The following DLGAP2 variants were observed in gnomAD, a reference collection of about 807,000 sequenced individuals.
DLGAP2 encodes disks large-associated protein 2.
In DLGAP2, 26 loss-of-function variants were observed where a neutral mutation model predicts 100.3. The observed-to-expected ratio is 0.26, with a 90% CI of 0.19 to 0.36. The LOEUF (loss-of-function observed/expected upper bound fraction) is 0.36. Ranked by LOEUF, DLGAP2 falls within the 10% of genes least tolerant of loss-of-function variation. The pLI is 1.00. For missense variants in DLGAP2, 1,858 were observed against 1,453.2 expected (o/e 1.28, Z -4.53); for synonymous variants, 886 against 630.1 (o/e 1.41, Z -6.08).
intron 3 of DLGAP2, among the ~76,000 whole-genome samples, chr8:1,410,297 G>A (rs950627944): frequency 6.6e-6 from 1 of 152,190 alleles, no homozygotes; most frequent in African/African-American, 2.4e-5. Context: ...GACACGGAAG[G>A]TAACATTCAC....
chr8:1,694,308 A>G (rs1201786363), intron 13 of DLGAP2, among the ~76,000 whole-genome samples: 3 of 152,062 alleles, frequency 2.0e-5, no homozygotes, highest in African/African-American at 2.4e-5. Flanking sequence ...TCAAAGCCAA[A>G]TGGTCCGCAG....
intron 2 of DLGAP2, among the ~76,000 whole-genome samples, chr8:1,057,377 C>G (rs1043958123): frequency 6.6e-6 from 1 of 152,158 alleles, no homozygotes; most frequent in Non-Finnish European, 1.5e-5. Flanking sequence ...CATGTTAATC[C>G]AAACATTCAA....
intron 2 of DLGAP2, among the ~76,000 whole-genome samples, chr8:1,017,471 G>A (rs878946591): frequency 5.2e-4 from 37 of 70,944 alleles, no homozygotes; most frequent in African/African-American, 2.1e-3. Flanking sequence ...CACTGTGTGT[G>A]TGACCAGGAC....
At chr8:1,438,667 C>A (rs963833282) in intron 3 of DLGAP2, among the ~76,000 whole-genome samples, 1 of 152,182 alleles carries the variant, frequency 6.6e-6, no homozygotes, top group African/African-American at 2.4e-5. Context: ...GAGTTTTCTC[C>A]TCCAAGGGCA....
intron 3 of DLGAP2, among the ~76,000 whole-genome samples, chr8:1,265,163 G>A (rs577418683): frequency 2.7e-4 from 41 of 152,282 alleles, no homozygotes; most frequent in African/African-American, 9.9e-4. Flanking sequence ...AGCCCTAGAA[G>A]TAATAGACTT....
intron 2 of DLGAP2, among the ~76,000 whole-genome samples, chr8:1,072,565 G>A (rs1357546011): frequency 6.6e-6 from 1 of 152,136 alleles, no homozygotes; most frequent in East Asian, 1.9e-4. Flanking sequence ...AGGGAGGTGC[G>A]GCCTGGCTTG....
At chr8:1,048,463 G>A (rs980165359) in intron 2 of DLGAP2, among the ~76,000 whole-genome samples, 4 of 151,990 alleles carry the variant, frequency 2.6e-5, no homozygotes, top group South Asian at 2.1e-4. Context: ...TCGTCTGTGC[G>A]TCTGTGCTCA....
intron 6 of DLGAP2, among the ~76,000 whole-genome samples, chr8:1,582,078 CA>C: frequency 7.1e-6 from 1 of 141,574 alleles, no homozygotes; most frequent in Non-Finnish European, 1.5e-5. Flanking sequence ...AGGATACAGA[CA>C]AAACCCCGCA....
intron 3 of DLGAP2, among the ~76,000 whole-genome samples, chr8:1,365,085 A>G (rs1014897466): frequency 6.6e-6 from 1 of 152,138 alleles, no homozygotes; most frequent in Admixed American, 6.5e-5. Context: ...CCGCAAGGAC[A>G]CGTTTTTATA....
chr8:1,549,689 C>A lies in DLGAP2; in HGVS notation c.1230+6C>A. 6.5e-7 allele frequency: 1 copy of A among 1,539,422 alleles called. No homozygotes were observed. Among genetic ancestry groups the A allele is most frequent in the South Asian group, 1.2e-5 (1 of 84,734 alleles). ...GGCCGTGCCACTACCTCCAGGTAAGCAGGCTCACGGCCCTGTGGAGGCCGT... is the reference window on the plus strand; with the variant it reads ...GGCCGTGCCACTACCTCCAGGTAAGAAGGCTCACGGCCCTGTGGAGGCCGT... On this transcript the variant is annotated splice_donor_region_variant and intron_variant, in intron 5 of 14. Transcript: ENST00000637795.
rs1010507049 is a variant in DLGAP2 at position 1,538,926 on chromosome 8, C to T, written c.173-9700C>T. Among the ~76,000 whole-genome samples the T allele has an allele frequency of 2.0e-5, 3 of 148,594 alleles. No individual in the cohort carries two copies. In the South Asian group the frequency reaches 6.4e-4, roughly 32 times the overall value. On this transcript the variant is annotated intron_variant, in intron 4 of 14. Transcript: ENST00000637795. ...TTTTTGAGACAGAGTCTTGCTTTTGCCTAGGCTGGAATGCAATGGTGCGAT... is the reference window on the plus strand; with the variant it reads ...TTTTTGAGACAGAGTCTTGCTTTTGTCTAGGCTGGAATGCAATGGTGCGAT...
chr8:1,247,332 A>G (rs62489180), intron 2 of DLGAP2, among the ~76,000 whole-genome samples: 49,153 of 68,766 alleles, frequency 0.71, 17,975 homozygotes, highest in Middle Eastern at 0.83. Flanking sequence ...GATGGTCCAC[A>G]TCGGTGGCCA....
chr8:738,377 G>A (rs1228767842), intron 1 of DLGAP2, among the ~76,000 whole-genome samples: 2 of 151,902 alleles, frequency 1.3e-5, no homozygotes, highest in Non-Finnish European at 2.9e-5. Flanking sequence ...CCCTTGTGCC[G>A]GGCAGCAGCG....
chr8:1,227,445 A>G (rs1798444945), intron 2 of DLGAP2, among the ~76,000 whole-genome samples: 1 of 150,960 alleles, frequency 6.6e-6, no homozygotes, highest in South Asian at 2.1e-4. Context: ...CTGTCTTCAC[A>G]TGTGAGATGA....
intron 12 of DLGAP2, among the ~76,000 whole-genome samples, chr8:1,681,509 G>C (rs573830468): frequency 2.0e-5 from 3 of 151,784 alleles, no homozygotes; most frequent in Non-Finnish European, 2.9e-5. Flanking sequence ...ATTTTAAAAA[G>C]TAGCCCGGTG....
intron 2 of DLGAP2, chr8:1,018,760 C>T (rs1262873354): frequency 6.6e-6 from 1 of 152,198 alleles, no homozygotes; most frequent in African/African-American, 2.4e-5. Context: ...AAACACATTT[C>T]AGCAGTCACT....
intron 3 of DLGAP2, among the ~76,000 whole-genome samples, chr8:1,270,864 A>T (rs10087758): frequency 0.013 from 1,935 of 151,934 alleles, 32 homozygotes; most frequent in Non-Finnish European, 0.017. Flanking sequence ...CTCTGCTGTC[A>T]GGGTCTGATT....
intron 1 of DLGAP2, among the ~76,000 whole-genome samples, chr8:812,870 G>A (rs552251862): frequency 1.3e-5 from 2 of 152,290 alleles, no homozygotes; most frequent in African/African-American, 4.8e-5. Flanking sequence ...TGCACCCATA[G>A]TAAAATTCCT....
intron 3 of DLGAP2, among the ~76,000 whole-genome samples, chr8:1,312,730 A>C (rs1375413622): frequency 6.6e-6 from 1 of 152,234 alleles, no homozygotes; most frequent in Non-Finnish European, 1.5e-5. Context: ...ATACCTTTTG[A>C]CTCAGTTAAT....
Sources: gnomAD v4.1 joint callset for allele counts (sites outside exome capture counted in the v4.1 genomes callset) on GRCh38, gnomAD v4.1.1 for gene constraint, MANE v1.5 for transcripts, NCBI Gene and HGNC (gene_info 2026-07-23, HGNC 2026-07-21) for gene names.